Variants in ACER1 observed in about 807,000 individuals in gnomAD.
ACER1 encodes CTB-180A7.3.
In ACER1, 28 loss-of-function variants were observed where a neutral mutation model predicts 24.9. The ratio of observed to expected loss-of-function variants is 1.13; its 90% confidence interval spans 0.83 to 1.54. The LOEUF (loss-of-function observed/expected upper bound fraction) is 1.54, where lower values mean the gene tolerates loss of function less well. ACER1 is among the 40% of genes most tolerant of loss of function. The pLI, the probability that ACER1 is intolerant of heterozygous loss-of-function variation, is 0.00. For missense variants in ACER1, 352 were observed against 349.3 expected, an observed-to-expected ratio of 1.01 and a Z score of -0.06; for synonymous variants, 132 against 131.4, an observed-to-expected ratio of 1.00 and a Z score of -0.03.
the ACER1 span, among the ~76,000 whole-genome samples, chr19:6,357,327 G>C: frequency 6.6e-6 from 1 of 151,942 alleles, no homozygotes; most frequent in African/African-American, 2.4e-5. Context: ...GATTACGGCC[G>C]TGAGCCACTC....
At chr19:6,354,787 AC>A in the ACER1 span, among the ~76,000 whole-genome samples, 1 of 149,872 alleles carries the variant, frequency 6.7e-6, no homozygotes, top group African/African-American at 2.5e-5. Context: ...GAGAAGTGTC[AC>A]TCCCTCTCCC....
chr19:6,321,137 T>C (rs2091628635), intron 1 of ACER1, among the ~76,000 whole-genome samples: 1 of 151,932 alleles, frequency 6.6e-6, no homozygotes, highest in Admixed American at 6.6e-5. Context: ...GAAAATTTTC[T>C]TTCTTTTTTT....
chr19:6,313,122 AT>A (rs1306806138), intron 1 of ACER1, among the ~76,000 whole-genome samples: 12 of 151,338 alleles, frequency 7.9e-5, no homozygotes, highest in Middle Eastern at 3.4e-3. Context: ...TACTTTTTCT[AT>A]TTATTTATTT....
the ACER1 span, among the ~76,000 whole-genome samples, chr19:6,347,729 G>A: frequency 4.6e-5 from 7 of 151,908 alleles, no homozygotes; most frequent in African/African-American, 1.2e-4. Context: ...CCGGCTACTC[G>A]GGAGGCTGAG....
chr19:6,317,252 G>A (rs972804786), intron 1 of ACER1, among the ~76,000 whole-genome samples: 13 of 152,174 alleles, frequency 8.5e-5, no homozygotes, highest in Admixed American at 8.5e-4. Context: ...GGGATTACAG[G>A]CGTGAGCCAC....
At chr19:6,333,615 T>C (rs112533303), upstream of ACER1, 48,013 of 1,421,632 alleles carry the variant, frequency 0.034, 1,132 homozygotes, top group African/African-American at 0.11. Flanking sequence ...TTGGGAAGGC[T>C]GGGCCCTGAT....
At chr19:6,345,622 T>G in the ACER1 span, among the ~76,000 whole-genome samples, 1 of 150,294 alleles carries the variant, frequency 6.7e-6, no homozygotes, top group Non-Finnish European at 1.5e-5. Flanking sequence ...TGGAGTGCAG[T>G]GGTACGATCT....
the ACER1 span, among the ~76,000 whole-genome samples, chr19:6,339,017 C>T: frequency 6.6e-6 from 1 of 151,860 alleles, no homozygotes; most frequent in Admixed American, 6.6e-5. Context: ...GCTGGGATTA[C>T]AGGCGCCCAC....
chr19:6,314,527 C>A (rs1170828142), intron 1 of ACER1, among the ~76,000 whole-genome samples: 1 of 151,272 alleles, frequency 6.6e-6, no homozygotes, highest in Non-Finnish European at 1.5e-5. Context: ...TGACTCAAGA[C>A]CCCGACGTGC....
Position 6,306,399 on chromosome 19 carries a change from A to T in ACER1, c.*315T>A. Reference sequence around the variant, plus strand: ...CCTTCAGTCACCCCAGTACCTGGTGACACAGTCCCACCAGCTCATGTGACA... The same window carrying T: ...CCTTCAGTCACCCCAGTACCTGGTGTCACAGTCCCACCAGCTCATGTGACA... On this transcript the variant is annotated 3_prime_UTR_variant, in exon 6 of 6. Coordinates refer to ENST00000301452, the MANE Select transcript of ACER1 (RefSeq NM_133492.3). 3.6e-6 allele frequency: 1 copy of T among 280,642 alleles called. No homozygotes were observed. Among genetic ancestry groups the T allele is most frequent in the Non-Finnish European group, 6.9e-6 (1 of 145,680 alleles). 17.4% of individuals were successfully genotyped at this position (280,642 alleles called of 1,614,324 possible). A position where few individuals can be genotyped will look rare whatever the true frequency, so the allele number is the denominator to read the frequency against.
At chr19:6,346,487 C>G in the ACER1 span, among the ~76,000 whole-genome samples, 1 of 150,422 alleles carries the variant, frequency 6.6e-6, no homozygotes, top group Non-Finnish European at 1.5e-5. Context: ...CCTCCTTCTT[C>G]TTCTCCTTCT....
chr19:6,319,775 A>T (rs1367855372), intron 1 of ACER1, among the ~76,000 whole-genome samples: 1 of 151,996 alleles, frequency 6.6e-6, no homozygotes, highest in East Asian at 1.9e-4. Context: ...TCTGGCACAC[A>T]GTAGGCGCCT....
At chr19:6,320,195 T>C (rs1427348850) in intron 1 of ACER1, among the ~76,000 whole-genome samples, 2 of 150,824 alleles carry the variant, frequency 1.3e-5, no homozygotes, top group African/African-American at 4.9e-5. Context: ...AAGCTCAAAC[T>C]CCCTCCCACC....
At chr19:6,350,332 C>A in the ACER1 span, among the ~76,000 whole-genome samples, 1 of 152,058 alleles carries the variant, frequency 6.6e-6, no homozygotes, top group Non-Finnish European at 1.5e-5. Flanking sequence ...CTGGCACCAA[C>A]ATGGCACATG....
the ACER1 span, among the ~76,000 whole-genome samples, chr19:6,353,869 T>A: frequency 1.3e-5 from 2 of 148,988 alleles, no homozygotes; most frequent in Non-Finnish European, 3.0e-5. Context: ...TAAAATAAAA[T>A]AAATAAAATA....
At chr19:6,307,479 G>A (rs1032364829) in intron 4 of ACER1, among the ~76,000 whole-genome samples, 189 bp from the exon 5 acceptor site, 1 of 151,964 alleles carries the variant, frequency 6.6e-6, no homozygotes, top group Non-Finnish European at 1.5e-5. Context: ...AGCACAACAG[G>A]TGCAGTTCCA....
chr19:6,312,660 G>A (rs1035974349), intron 1 of ACER1, among the ~76,000 whole-genome samples, 161 bp from the exon 2 acceptor site: 9 of 146,602 alleles, frequency 6.1e-5, no homozygotes, highest in African/African-American at 2.3e-4. Context: ...CAACCTTTCA[G>A]CCGACCCTTT....
chr19:6,327,425 G>A (rs2145015478), intron 1 of ACER1, among the ~76,000 whole-genome samples: 1 of 151,922 alleles, frequency 6.6e-6, no homozygotes, highest in Admixed American at 6.6e-5. Context: ...ATTAGCCAGG[G>A]GTGGTGACGG....
At chr19:6,321,114 C>G (rs180745226) in intron 1 of ACER1, among the ~76,000 whole-genome samples, 307 of 151,692 alleles carry the variant, frequency 2.0e-3, no homozygotes, top group Non-Finnish European at 3.2e-3. Context: ...AACCATCACA[C>G]TAGCTAATTC....
Sources: allele counts gnomAD v4.1 joint callset (sites outside exome capture counted in the v4.1 genomes callset), GRCh38; gene constraint gnomAD v4.1.1; transcripts MANE v1.5; gene names NCBI Gene and HGNC (gene_info 2026-07-23, HGNC 2026-07-21).